SNTG1: variants seen among roughly 807,000 people sequenced by gnomAD.
SNTG1 encodes gamma-1-syntrophin.
A neutral mutation model predicts 74.7 loss-of-function variants in SNTG1; 39 were observed. The observed-to-expected ratio is 0.52, with a 90% CI of 0.40 to 0.68. SNTG1 has a LOEUF of 0.68. Among genes scored for constraint, SNTG1 ranks in the 30% least tolerant of loss-of-function variants. The pLI, the probability that SNTG1 is intolerant of heterozygous loss-of-function variation, is 0.00. For synonymous variants in SNTG1, 254 were observed against 217.1 expected, an observed-to-expected ratio of 1.17 and a Z score of -1.49; for missense variants, 685 against 609.5, an observed-to-expected ratio of 1.12 and a Z score of -1.30.
chr8:50,752,024 C>A lies in SNTG1; in HGVS notation c.1308C>A (p.Phe436Leu), dbSNP rs2095568738. The A allele has an allele frequency of 6.4e-7, 1 of 1,569,352 alleles. No homozygotes were observed. The highest frequency in any genetic ancestry group is 1.2e-5 in the South Asian group (1 of 83,428). ...ATKAVLWRYKFSQLKGSSDDG... is the reference protein window; with the variant it reads ...ATKAVLWRYKLSQLKGSSDDG... ...AGGCTGTCCTTTGGAGGTATAAATT[C>A]TCTCAGCTTAAAGGTTCTTCAGATG... The change falls in exon 18 of 19, where the codon TTC (phenylalanine) becomes TTA (leucine). Residue 436 changes from phenylalanine (F) to leucine (L), a missense_variant. By Grantham distance (22) the Phe-to-Leu change is conservative. Coordinates refer to ENST00000642720, the MANE Select transcript of SNTG1 (RefSeq NM_018967.5).
At chr8:50,778,995 C>A (rs2095649890) in intron 18 of SNTG1, among the ~76,000 whole-genome samples, 1 of 152,046 alleles carries the variant, frequency 6.6e-6, no homozygotes, top group Admixed American at 6.6e-5. Flanking sequence ...TCAGGTTTGT[C>A]AAAGATCAGA....
chr8:50,415,660 CTTAAA>C (rs2093004982), intron 4 of SNTG1, among the ~76,000 whole-genome samples: 1 of 152,064 alleles, frequency 6.6e-6, no homozygotes, highest in African/African-American at 2.4e-5. Context: ...TTATATAAAA[CTTAAA>C]TTATTTTTGT....
chr8:50,254,592 A>G (rs778286365), intron 2 of SNTG1, among the ~76,000 whole-genome samples: 6 of 152,170 alleles, frequency 3.9e-5, no homozygotes, highest in Non-Finnish European at 8.8e-5. Context: ...TCACACGTGA[A>G]TCCCAGCACT....
intron 13 of SNTG1, among the ~76,000 whole-genome samples, chr8:50,600,343 T>A (rs2094763495): frequency 6.6e-6 from 1 of 152,104 alleles, no homozygotes; most frequent in South Asian, 2.1e-4. Context: ...CACTTCTCCA[T>A]TTTTTGGAAG....
chr8:50,371,360 A>G (rs1367200083), intron 2 of SNTG1, among the ~76,000 whole-genome samples: 1 of 152,184 alleles, frequency 6.6e-6, no homozygotes, highest in Admixed American at 6.5e-5. Flanking sequence ...AATAAGTCAC[A>G]TGAACTAGTG....
intron 2 of SNTG1, among the ~76,000 whole-genome samples, chr8:50,304,591 G>T (rs901632006): frequency 1.3e-5 from 2 of 151,950 alleles, no homozygotes; most frequent in African/African-American, 4.8e-5. Context: ...GAAAGCAGGG[G>T]TCACAAACAT....
intron 1 of SNTG1, among the ~76,000 whole-genome samples, chr8:50,148,944 T>G (rs183948175): frequency 7.9e-5 from 12 of 152,340 alleles, no homozygotes; most frequent in African/African-American, 2.9e-4. Context: ...AAATGGTATT[T>G]CTAGTTCTAG....
intron 8 of SNTG1, among the ~76,000 whole-genome samples, chr8:50,499,422 C>CT (rs1209490748): frequency 2.4e-3 from 328 of 135,288 alleles, no homozygotes; most frequent in South Asian, 5.7e-3. Context: ...GTTCCAGGAG[C>CT]TTTTTTTTTT....
chr8:50,718,295 A>G (rs909290321), intron 17 of SNTG1, among the ~76,000 whole-genome samples: 9 of 152,204 alleles, frequency 5.9e-5, no homozygotes, highest in Non-Finnish European at 1.3e-4. Context: ...AAGGGCACAC[A>G]AAAGTAAAAT....
chr8:50,578,417 G>C (rs1256531701), intron 12 of SNTG1, among the ~76,000 whole-genome samples: 3 of 38,318 alleles, frequency 7.8e-5, no homozygotes, highest in Non-Finnish European at 1.5e-4. Context: ...GAGAGGATGA[G>C]AGAGAAAGAG....
chr8:50,485,338 G>A (rs1587781309), intron 8 of SNTG1, among the ~76,000 whole-genome samples: 1 of 152,114 alleles, frequency 6.6e-6, no homozygotes, highest in African/African-American at 2.4e-5. Context: ...ATCCTTTTAT[G>A]CAGACTAGAT....
rs184979946 is a variant in SNTG1, at chr8:50,129,918, G to A, written c.-102-42643G>A. ...CTCCCAAAGTACTGGATCCACAGGC[G>A]TGAGCCACTGCACCTTGAGCAAAGT... On this transcript the variant is annotated intron_variant, in intron 1 of 18. Transcript: ENST00000642720. 7.2e-5 allele frequency among the ~76,000 whole-genome samples: 11 copies of A among 152,148 alleles called. No homozygotes were observed. In the East Asian group the frequency reaches 1.9e-3, roughly 27 times the overall value.
intron 1 of SNTG1, among the ~76,000 whole-genome samples, chr8:50,016,457 G>A (rs1309393653): frequency 6.6e-6 from 1 of 152,058 alleles, no homozygotes; most frequent in Non-Finnish European, 1.5e-5. Flanking sequence ...TAGTTGTAAG[G>A]GGACAACTTA....
chr8:50,717,644 A>G (rs2095478121), intron 17 of SNTG1, among the ~76,000 whole-genome samples: 1 of 152,214 alleles, frequency 6.6e-6, no homozygotes, highest in Non-Finnish European at 1.5e-5. Context: ...TCCTCAGAAC[A>G]CATCAGGGAG....
intron 1 of SNTG1, among the ~76,000 whole-genome samples, chr8:50,169,056 AT>A (rs2082721863): frequency 6.6e-6 from 1 of 152,200 alleles, no homozygotes; most frequent in South Asian, 2.1e-4. Context: ...ATTGTTTCAC[AT>A]TTTTATATAG....
intron 1 of SNTG1, among the ~76,000 whole-genome samples, chr8:49,960,074 G>T (rs11777957): frequency 0.11 from 16,042 of 152,128 alleles, 1,267 homozygotes; most frequent in African/African-American, 0.2. Flanking sequence ...ACCCACACAG[G>T]GTGCAACTGA....
At chr8:50,132,455 T>C (rs2081347717) in intron 1 of SNTG1, among the ~76,000 whole-genome samples, 1 of 152,048 alleles carries the variant, frequency 6.6e-6, no homozygotes, top group Non-Finnish European at 1.5e-5. Context: ...GCTTCCAAGT[T>C]ACAATAATTA....
At chr8:49,970,049 C>G (rs1811519955) in intron 1 of SNTG1, among the ~76,000 whole-genome samples, 1 of 151,942 alleles carries the variant, frequency 6.6e-6, no homozygotes, top group South Asian at 2.1e-4. Context: ...ATTAAGGAAA[C>G]AGTTAGACCA....
At chr8:50,495,001 C>T (rs2093891232) in intron 8 of SNTG1, among the ~76,000 whole-genome samples, 2 of 151,914 alleles carry the variant, frequency 1.3e-5, no homozygotes, top group African/African-American at 4.8e-5. Context: ...AAACTGCATT[C>T]TTAATTGTAA....
Sources: gnomAD v4.1 joint callset for allele counts (sites outside exome capture counted in the v4.1 genomes callset) on GRCh38, gnomAD v4.1.1 for gene constraint, MANE v1.5 for transcripts, NCBI Gene and HGNC (gene_info 2026-07-23, HGNC 2026-07-21) for gene names.